PCDH15: variants seen among roughly 807,000 people sequenced by gnomAD.
The protein encoded by PCDH15 is protocadherin-15.
A neutral mutation model predicts 178.5 loss-of-function variants in PCDH15; 129 were observed. That is an observed-to-expected ratio of 0.72 (90% CI 0.63 to 0.84). The LOEUF (loss-of-function observed/expected upper bound fraction) is 0.84. Ranked by LOEUF, PCDH15 falls within the 40% of genes least tolerant of loss-of-function variation. PCDH15 has a pLI of 0.00. For synonymous variants in PCDH15, 800 were observed against 732.0 expected, an observed-to-expected ratio of 1.09 and a Z score of -1.50; for missense variants, 2,230 against 2,099.9, an observed-to-expected ratio of 1.06 and a Z score of -1.21.
chr10:53,956,304 G>C (rs537874954), intron 23 of PCDH15, among the ~76,000 whole-genome samples: 1 of 151,916 alleles, frequency 6.6e-6, no homozygotes, highest in Non-Finnish European at 1.5e-5. Flanking sequence ...CTATATGCCC[G>C]TGAGAAAAAG....
intron 2 of PCDH15, among the ~76,000 whole-genome samples, chr10:54,929,679 T>G (rs149614047): frequency 1.1e-3 from 164 of 152,262 alleles, no homozygotes; most frequent in Admixed American, 2.0e-3. Flanking sequence ...TTGCCAATAG[T>G]TTAAAAGGAA....
At chr10:55,468,014 A>G (rs1839873947) in intron 2 of PCDH15, among the ~76,000 whole-genome samples, 1 of 150,058 alleles carries the variant, frequency 6.7e-6, no homozygotes, top group African/African-American at 2.5e-5. Context: ...GTCTGCCAGG[A>G]CTTCCTTCCA....
chr10:54,240,722 C>T (rs1237729804), intron 8 of PCDH15, among the ~76,000 whole-genome samples: 2 of 145,288 alleles, frequency 1.4e-5, no homozygotes, highest in East Asian at 2.0e-4. Flanking sequence ...AGCTCCGCCT[C>T]CCGGGTTCAC....
At chr10:55,256,044 T>G (rs1841988288) in intron 1 of PCDH15, among the ~76,000 whole-genome samples, 1 of 152,136 alleles carries the variant, frequency 6.6e-6, no homozygotes, top group Non-Finnish European at 1.5e-5. Context: ...TCCTGAATGG[T>G]ATTGCCTAGG....
chr10:55,103,633 T>A (rs574206792), intron 2 of PCDH15, among the ~76,000 whole-genome samples: 2 of 152,276 alleles, frequency 1.3e-5, no homozygotes, highest in South Asian at 2.1e-4. Flanking sequence ...GGTGTAATCC[T>A]TCCTGATTTT....
At chr10:54,690,598 C>A (rs892459843) in intron 1 of PCDH15, among the ~76,000 whole-genome samples, 1 of 152,088 alleles carries the variant, frequency 6.6e-6, no homozygotes, top group Non-Finnish European at 1.5e-5. Flanking sequence ...CAGGCATGAG[C>A]CACCATGGCC....
intron 2 of PCDH15, among the ~76,000 whole-genome samples, chr10:54,572,103 G>T (rs1459881283): frequency 6.6e-6 from 1 of 152,074 alleles, no homozygotes; most frequent in Non-Finnish European, 1.5e-5. Context: ...ATTAGATGAC[G>T]AAATACCGTG....
chr10:54,364,923 A>G (rs1946583298), intron 5 of PCDH15, among the ~76,000 whole-genome samples: 1 of 152,076 alleles, frequency 6.6e-6, no homozygotes, highest in Non-Finnish European at 1.5e-5. Context: ...TTTTCAGGCT[A>G]TATTATAGCT....
At chr10:55,149,350 G>A (rs1396951478) in intron 2 of PCDH15, among the ~76,000 whole-genome samples, 1 of 151,700 alleles carries the variant, frequency 6.6e-6, no homozygotes, top group Admixed American at 6.6e-5. Context: ...GCCTTAAAAT[G>A]TTGGTAATAT....
intron 15 of PCDH15, among the ~76,000 whole-genome samples, chr10:54,094,080 C>T (rs1392000381): frequency 6.6e-6 from 1 of 152,100 alleles, no homozygotes; most frequent in East Asian, 1.9e-4. Context: ...TGGATTCAGC[C>T]TCAGCTATAC....
At chr10:55,622,328 T>C (rs1837424022) in intron 2 of PCDH15, among the ~76,000 whole-genome samples, 1 of 151,196 alleles carries the variant, frequency 6.6e-6, no homozygotes, top group Admixed American at 6.6e-5. Flanking sequence ...ATATCTTAAG[T>C]CAAAACTGAT....
intron 2 of PCDH15, among the ~76,000 whole-genome samples, chr10:54,944,584 G>A (rs914998743): frequency 1.3e-5 from 2 of 151,824 alleles, no homozygotes; most frequent in East Asian, 1.9e-4. Context: ...TTATACAGAC[G>A]CTGTTGACTA....
chr10:54,719,805 G>A (rs1941265018), intron 1 of PCDH15, among the ~76,000 whole-genome samples: 1 of 151,968 alleles, frequency 6.6e-6, no homozygotes, highest in African/African-American at 2.4e-5. Flanking sequence ...TTGTTAGTTT[G>A]CTGAGGATGA....
chr10:53,839,181 GCA>G (rs1441421061), intron 29 of PCDH15, among the ~76,000 whole-genome samples: 3 of 118,206 alleles, frequency 2.5e-5, no homozygotes, highest in Non-Finnish European at 4.8e-5. Context: ...CCAGCCTGGG[GCA>G]CAGAGTGAGT....
At chr10:54,629,127 C>T (rs879349787) in intron 2 of PCDH15, among the ~76,000 whole-genome samples, 5 of 151,642 alleles carry the variant, frequency 3.3e-5, no homozygotes, top group Non-Finnish European at 5.9e-5. Context: ...CGGAAGAAAG[C>T]ATATGCTTCA....
At chr10:54,523,070 G>C (rs2083040158) in intron 3 of PCDH15, among the ~76,000 whole-genome samples, 1 of 152,112 alleles carries the variant, frequency 6.6e-6, no homozygotes, top group South Asian at 2.1e-4. Context: ...CAATATCATA[G>C]TTTCCAATGT....
At chr10:54,913,360 A>G (rs780221149) in intron 2 of PCDH15, among the ~76,000 whole-genome samples, 1 of 152,168 alleles carries the variant, frequency 6.6e-6, no homozygotes, top group Non-Finnish European at 1.5e-5. Flanking sequence ...CAGAAGGTGC[A>G]AGCCCCAAGC....
chr10:54,534,189 T>C (rs992979575), intron 2 of PCDH15, among the ~76,000 whole-genome samples: 8 of 152,178 alleles, frequency 5.3e-5, no homozygotes, highest in African/African-American at 1.9e-4. Flanking sequence ...TCTATTTTTT[T>C]CCTTTCATGC....
chr10:54,276,461 C>A (rs1215114174), intron 8 of PCDH15, among the ~76,000 whole-genome samples: 2 of 151,554 alleles, frequency 1.3e-5, no homozygotes, highest in Non-Finnish European at 3.0e-5. Context: ...TTATTCCCAT[C>A]CTATTGAAAA....
Sources: allele counts gnomAD v4.1 joint callset (sites outside exome capture counted in the v4.1 genomes callset), GRCh38; gene constraint gnomAD v4.1.1; transcripts MANE v1.5; gene names NCBI Gene and HGNC (gene_info 2026-07-23, HGNC 2026-07-21).